The following H2BC18 variants were observed in gnomAD, a reference collection of about 807,000 sequenced individuals.
The protein encoded by H2BC18 is H2B clustered histone 18, also known as histone H2B type 2-F.
A neutral mutation model predicts 6.3 loss-of-function variants in H2BC18; 8 were observed. The ratio of observed to expected loss-of-function variants is 1.28; its 90% confidence interval spans 0.75 to 2.31. The LOEUF is 2.31. Among genes scored for constraint, H2BC18 ranks in the 30% most tolerant of loss-of-function variants. H2BC18 has a pLI of 0.00. For synonymous variants in H2BC18, 104 were observed against 78.1 expected (o/e 1.33, Z -1.75); for missense variants, 106 against 174.5 (o/e 0.61, Z 2.21).
chr1:149,793,879 A>G (rs1218590879), intron 1 of H2BC18: 11 of 1,285,408 alleles, frequency 8.6e-6, no homozygotes, highest in East Asian at 5.5e-5. Context: ...GGGGTAAAAC[A>G]GGAAGAGTTG....
At chr1:149,790,370 A>C (rs1553751641) in intron 1 of H2BC18, 3 of 1,567,354 alleles carry the variant, frequency 1.9e-6, no homozygotes, top group Non-Finnish European at 2.6e-6. Context: ...CCACTGGCAC[A>C]GAAGAAGGGA....
intron 1 of H2BC18, chr1:149,788,433 T>G (rs1235386217): frequency 2.5e-6 from 4 of 1,613,704 alleles, no homozygotes; most frequent in Middle Eastern, 3.3e-4. Flanking sequence ...TGAGGTGTCA[T>G]GCGTGGAAGG....
At chr1:149,797,137 T>C (rs1347189782) in intron 1 of H2BC18, among the ~76,000 whole-genome samples, 1 of 152,236 alleles carries the variant, frequency 6.6e-6, no homozygotes, top group Non-Finnish European at 1.5e-5. Context: ...GGTCTCAAAC[T>C]CTTGACTTCA....
intron 1 of H2BC18, chr1:149,788,429 G>A: frequency 6.2e-7 from 1 of 1,613,788 alleles, no homozygotes; most frequent in Non-Finnish European, 8.5e-7. Context: ...GCCTTGAGGT[G>A]TCATGCGTGG....
At chr1:149,788,602 T>G (rs2091613754) in intron 1 of H2BC18, 2 of 1,613,888 alleles carry the variant, frequency 1.2e-6, no homozygotes, top group African/African-American at 2.7e-5. Flanking sequence ...AGCAGGAATA[T>G]CTGTCACTGT....
intron 1 of H2BC18, among the ~76,000 whole-genome samples, chr1:149,785,123 G>A (rs1457900915): frequency 4.6e-4 from 70 of 152,210 alleles, no homozygotes; most frequent in Admixed American, 8.5e-4. Context: ...ATTCTTCAGG[G>A]AAAAATGCTT....
At chr1:149,793,518 T>A (rs1170117198) in intron 1 of H2BC18, among the ~76,000 whole-genome samples, 1 of 152,128 alleles carries the variant, frequency 6.6e-6, no homozygotes, top group East Asian at 1.9e-4. Context: ...AGGGATCTGA[T>A]GCAGCTGGCG....
intron 1 of H2BC18, among the ~76,000 whole-genome samples, chr1:149,795,847 A>G (rs1470970622): frequency 2.0e-5 from 3 of 151,742 alleles, no homozygotes; most frequent in African/African-American, 7.3e-5. Flanking sequence ...ATAAACAACA[A>G]TCCTCCTGTT....
intron 1 of H2BC18, among the ~76,000 whole-genome samples, chr1:149,801,718 A>C (rs1325991072): frequency 1.3e-5 from 2 of 150,986 alleles, no homozygotes; most frequent in Non-Finnish European, 3.0e-5. Context: ...AAATGTATTT[A>C]CTTTGTCATC....
intron 1 of H2BC18, among the ~76,000 whole-genome samples, chr1:149,804,206 G>A (rs2091897360): frequency 6.6e-6 from 1 of 152,008 alleles, no homozygotes; most frequent in African/African-American, 2.4e-5. Flanking sequence ...AAATAGGAAA[G>A]AAGTGTTTAA....
intron 1 of H2BC18, among the ~76,000 whole-genome samples, chr1:149,795,255 TAAATAAATA>T (rs1308533962): frequency 2.1e-4 from 17 of 81,736 alleles, no homozygotes; most frequent in African/African-American, 1.0e-3. Flanking sequence ...GTCTCAAAAA[TAAATAAATA>T]AATAAATAAA....
intron 1 of H2BC18, among the ~76,000 whole-genome samples, chr1:149,802,120 G>A (rs587640454): frequency 2.3e-4 from 35 of 152,116 alleles, no homozygotes; most frequent in African/African-American, 4.8e-4. Context: ...GGGGGCAGGC[G>A]GGAGTTATTT....
At chr1:149,788,592 A>C in intron 1 of H2BC18, 2 of 1,614,024 alleles carry the variant, frequency 1.2e-6, no homozygotes, top group Non-Finnish European at 1.7e-6. Flanking sequence ...GCTACACATC[A>C]GCAGGAATAT....
At chr1:149,801,662 G>A (rs1261795505) in intron 1 of H2BC18, among the ~76,000 whole-genome samples, 25 of 149,466 alleles carry the variant, frequency 1.7e-4, no homozygotes, top group African/African-American at 4.7e-4. Context: ...TGGCATATCC[G>A]GGTGATTTTG....
At chr1:149,811,444 C>G (rs368517017), downstream of H2BC18, 7,323 of 161,562 alleles carry the variant, frequency 0.045, 228 homozygotes, top group Non-Finnish European at 0.07. Context: ...CTATATTAGA[C>G]AAAGTTTGTG....
rs1406354214 is a variant in H2BC18 at position 149,812,248 on chromosome 1, C to T, written c.76G>A (p.Asp26Asn). ...CGGCTGCGCTTGCGCTTCTTGCCGT[C>T]CTTCTTCTGCACTTTCGTAACAGCC... ...KKAVTKVQKKDGKKRKRSRKE... is the reference protein window; with the variant it reads ...KKAVTKVQKKNGKKRKRSRKE... Residue 26 changes from aspartate to asparagine, a missense_variant, in exon 1 of 1, where the codon GAC becomes AAC. Coordinates refer to ENST00000369167, the MANE Select transcript of H2BC18 (RefSeq NM_001024599.5). The T allele has an allele frequency of 1.2e-6, 2 of 1,614,164 alleles. No individual in the cohort carries two copies. Among genetic ancestry groups the T allele is most frequent in the Non-Finnish European group, 1.7e-6 (2 of 1,180,058 alleles).
chr1:149,798,768 T>C (rs2091828532), intron 1 of H2BC18, among the ~76,000 whole-genome samples: 1 of 152,152 alleles, frequency 6.6e-6, no homozygotes, highest in Non-Finnish European at 1.5e-5. Context: ...CATGTAACCA[T>C]GCCTGGCTAA....
chr1:149,810,003 A>G (rs1401403874), downstream of H2BC18, among the ~76,000 whole-genome samples: 6 of 150,868 alleles, frequency 4.0e-5, no homozygotes, highest in African/African-American at 1.5e-4. Flanking sequence ...GGTGGCCTTT[A>G]GTGTCAGGAT....
chr1:149,804,555 G>C (rs1278887311), intron 1 of H2BC18, among the ~76,000 whole-genome samples: 3 of 152,054 alleles, frequency 2.0e-5, no homozygotes, highest in Non-Finnish European at 2.9e-5. Context: ...CTGGAAAATG[G>C]AATGTGCTCT....
Sources: allele counts gnomAD v4.1 joint callset (sites outside exome capture counted in the v4.1 genomes callset), GRCh38; gene constraint gnomAD v4.1.1; transcripts MANE v1.5; gene names NCBI Gene and HGNC (gene_info 2026-07-23, HGNC 2026-07-21).